The following SDK1 variants were observed in gnomAD, a reference collection of about 807,000 sequenced individuals.
The protein encoded by SDK1 is protein sidekick-1.
In SDK1, 157 loss-of-function variants were observed where a neutral mutation model predicts 245.5. The ratio of observed to expected loss-of-function variants is 0.64; its 90% CI spans 0.56 to 0.73. The LOEUF (loss-of-function observed/expected upper bound fraction) is 0.73. Among genes scored for constraint, SDK1 ranks in the 30% least tolerant of loss-of-function variants. SDK1 has a pLI of 0.00. For missense variants in SDK1, 3,583 were observed against 3,002.3 expected, an observed-to-expected ratio of 1.19 and a Z score of -4.52; for synonymous variants, 1,647 against 1,278.5, an observed-to-expected ratio of 1.29 and a Z score of -6.15.
rs1030032700 is a variant in SDK1 at position 3,779,567 on chromosome 7, C to CT, written c.714-41881dup. On this transcript the variant is annotated intron_variant, in intron 4 of 44. Transcript: ENST00000404826. Reference sequence around the variant, plus strand: ...TTGGATATTGACGATCTTTATATTGCTTCTCCTTTTCTCTAATACTATTTA... The same window carrying CT: ...TTGGATATTGACGATCTTTATATTGCTTTCTCCTTTTCTCTAATACTATTTA... 1.0e-3 allele frequency among the ~76,000 whole-genome samples: 155 copies of CT among 152,106 alleles called. 1 individual carries two copies. The highest frequency in any genetic ancestry group is 3.6e-3 in the African/African-American group (150 of 41,528).
intron 4 of SDK1, among the ~76,000 whole-genome samples, chr7:3,766,029 T>G (rs899538002): frequency 1.3e-5 from 2 of 152,204 alleles, no homozygotes; most frequent in African/African-American, 4.8e-5. Context: ...AAGAACATGC[T>G]TTTAATAAGT....
At chr7:3,540,349 G>T (rs140730732) in intron 1 of SDK1, among the ~76,000 whole-genome samples, 23 of 152,354 alleles carry the variant, frequency 1.5e-4, no homozygotes, top group African/African-American at 5.0e-4. Flanking sequence ...AGAGGTTGCA[G>T]TGGGCCGAAA....
At chr7:3,583,115 G>A (rs965960146) in intron 1 of SDK1, among the ~76,000 whole-genome samples, 5 of 152,158 alleles carry the variant, frequency 3.3e-5, no homozygotes, top group South Asian at 2.1e-4. Context: ...CGGAGGTATC[G>A]GTGTCAACAC....
Position 3,940,102 on chromosome 7 carries a change from C to T in SDK1, c.848-10821C>T, listed in dbSNP as rs572273997. 5.4e-5 allele frequency among the ~76,000 whole-genome samples: 8 copies of T among 148,934 alleles called. No homozygotes were observed. In the South Asian group the frequency reaches 8.7e-4, roughly 16 times the overall value. On this transcript the variant is annotated intron_variant, in intron 5 of 44. Coordinates refer to ENST00000404826, the MANE Select transcript of SDK1 (RefSeq NM_152744.4). ...CTGCAGAAACTGACCTACAGAACTT[C>T]TCATTGTCAGAAAGCAGGTGGAGGA...
intron 17 of SDK1, among the ~76,000 whole-genome samples, chr7:4,025,237 CTG>C (rs929253279): frequency 1.3e-5 from 2 of 152,230 alleles, no homozygotes; most frequent in African/African-American, 4.8e-5. Flanking sequence ...TACAGCAACA[CTG>C]TTTGGTTTGA....
intron 17 of SDK1, among the ~76,000 whole-genome samples, chr7:4,048,620 A>C (rs2128165465): frequency 6.6e-6 from 1 of 152,100 alleles, no homozygotes; most frequent in South Asian, 2.1e-4. Flanking sequence ...CCTTCCTCCC[A>C]AACACAGTCC....
At chr7:4,094,367 G>C (rs1002864844) in intron 22 of SDK1, among the ~76,000 whole-genome samples, 1 of 152,280 alleles carries the variant, frequency 6.6e-6, no homozygotes, top group East Asian at 1.9e-4. Context: ...CGGCCCAGCC[G>C]GGGGTTTGAA....
At chr7:3,510,020 C>T (rs189868413) in intron 1 of SDK1, among the ~76,000 whole-genome samples, 1 of 152,148 alleles carries the variant, frequency 6.6e-6, no homozygotes, top group East Asian at 1.9e-4. Context: ...CCAGGTAGTT[C>T]AGATATGCAG....
intron 4 of SDK1, among the ~76,000 whole-genome samples, chr7:3,697,513 A>G (rs959357667): frequency 6.6e-6 from 1 of 152,182 alleles, no homozygotes; most frequent in Non-Finnish European, 1.5e-5. Context: ...TGCTAAGACA[A>G]TGTGATTTGA....
intron 1 of SDK1, among the ~76,000 whole-genome samples, chr7:3,534,491 C>G (rs1446310520): frequency 5.3e-5 from 8 of 152,106 alleles, no homozygotes; most frequent in Middle Eastern, 3.2e-3. Context: ...TACAGTTTTG[C>G]ATTCCTAGAA....
chr7:3,488,761 C>A (rs1170049999), intron 1 of SDK1, among the ~76,000 whole-genome samples: 1 of 152,112 alleles, frequency 6.6e-6, no homozygotes, highest in South Asian at 2.1e-4. Context: ...CATCAAAAAC[C>A]TACATTCAAT....
chr7:3,844,905 T>C (rs1583469859), intron 5 of SDK1, among the ~76,000 whole-genome samples: 1 of 152,166 alleles, frequency 6.6e-6, no homozygotes, highest in Non-Finnish European at 1.5e-5. Context: ...GGTTACCAAA[T>C]AAAATTTTTT....
At chr7:4,014,858 C>G (rs1786269225) in intron 16 of SDK1, among the ~76,000 whole-genome samples, 3 of 152,178 alleles carry the variant, frequency 2.0e-5, no homozygotes, top group Admixed American at 2.0e-4. Context: ...GTGACTATCA[C>G]AAAAGCACCC....
chr7:3,324,068 G>T (rs907275605), intron 1 of SDK1, among the ~76,000 whole-genome samples: 2 of 150,630 alleles, frequency 1.3e-5, no homozygotes, highest in Non-Finnish European at 3.0e-5. Context: ...TAAATGGGCT[G>T]TTGGCCCTCA....
Position 3,635,047 on chromosome 7 carries a change from T to G in SDK1, c.459-3957T>G, listed in dbSNP as rs550084093. 2.4e-3 allele frequency among the ~76,000 whole-genome samples: 373 copies of G among 152,362 alleles called. 3 individuals carry two copies. Among genetic ancestry groups the G allele is most frequent in the South Asian group, 0.018 (85 of 4,830 alleles). ...GCTATTTCTTCCCAAAAACTTTTGT[T>G]GACTTTGTTTTAAGCTAATCTCACA... On this transcript the variant is annotated intron_variant, in intron 2 of 44. Coordinates refer to ENST00000404826, the MANE Select transcript of SDK1 (RefSeq NM_152744.4).
intron 1 of SDK1, among the ~76,000 whole-genome samples, chr7:3,482,668 G>A (rs1339428036): frequency 6.6e-6 from 1 of 152,178 alleles, no homozygotes; most frequent in Non-Finnish European, 1.5e-5. Context: ...ACAACCTCCA[G>A]CAAACAATTC....
At chr7:3,695,539 A>G (rs1183421229) in intron 4 of SDK1, among the ~76,000 whole-genome samples, 12 of 152,220 alleles carry the variant, frequency 7.9e-5, no homozygotes, top group Admixed American at 7.9e-4. Context: ...TTCATTTATC[A>G]AAAACTTCGT....
chr7:3,454,470 G>A (rs1780615253), intron 1 of SDK1, among the ~76,000 whole-genome samples: 2 of 150,708 alleles, frequency 1.3e-5, no homozygotes, highest in South Asian at 4.2e-4. Flanking sequence ...GTGTGGGTTT[G>A]TGTTTCCACA....
intron 1 of SDK1, among the ~76,000 whole-genome samples, chr7:3,552,127 C>T (rs889729690): frequency 3.3e-5 from 5 of 152,090 alleles, no homozygotes; most frequent in Admixed American, 1.3e-4. Context: ...CAAGCTCCAC[C>T]TCCCGGGTTC....
Sources: gnomAD v4.1 joint callset for allele counts (sites outside exome capture counted in the v4.1 genomes callset) on GRCh38, gnomAD v4.1.1 for gene constraint, MANE v1.5 for transcripts, NCBI Gene and HGNC (gene_info 2026-07-23, HGNC 2026-07-21) for gene names.